TLR5: variants seen among roughly 807,000 people sequenced by gnomAD.
TLR5 encodes the protein toll-like receptor 5.
For synonymous variants in TLR5, 373 were observed against 384.4 expected (o/e 0.97, Z 0.35); for missense variants, 944 against 999.8 (o/e 0.94, Z 0.75).
Position 223,111,093 on chromosome 1 carries a change from T to C in TLR5, c.1939A>G (p.Thr647Ala). 1.2e-6 allele frequency: 2 copies of C among 1,614,184 alleles called. No individual in the cohort carries two copies. Among genetic ancestry groups the C allele is most frequent in the Non-Finnish European group, 1.7e-6 (2 of 1,180,028 alleles). ...ATGAGGAACAGAGTCAGAGTGACAG[T>C]GCATACAATGAAAAGGGAGAACTTT... ...SLKFSLFIVC[T>A]VTLTLFLMTI... The change falls in exon 6 of 6, where the codon ACT (threonine) becomes GCT (alanine). Residue 647 changes from threonine (T) to alanine (A), a missense_variant. Physicochemically the swap from Thr to Ala is moderately conservative, Grantham distance 58 (BLOSUM62 0). Coordinates refer to ENST00000642603, the MANE Select transcript of TLR5 (RefSeq NM_003268.6).
chr1:223,111,820 G>T lies in TLR5; in HGVS notation c.1212C>A (p.Ser404Arg). 1 of 1,614,086 alleles carries T rather than the reference G, an allele frequency of 6.2e-7. No homozygotes were observed. The highest frequency in any genetic ancestry group is 8.5e-7 in the Non-Finnish European group (1 of 1,180,004). The change falls in exon 6 of 6, where the codon AGC becomes AGA. Residue 404 changes from serine to arginine, a missense_variant. By Grantham distance (110) the Ser-to-Arg change is moderately radical. Transcript: ENST00000642603. Reference sequence around the variant, plus strand: ...TGCCACTCAAGAAGATATCGGGTATGCTTGGAATAAAATGAATGGTTGTAA... The same window carrying T: ...TGCCACTCAAGAAGATATCGGGTATTCTTGGAATAAAATGAATGGTTGTAA... ...NALTTIHFIP[S>R]IPDIFLSGNK...
chr1:223,129,840 T>G (rs1397546449), intron 5 of TLR5, among the ~76,000 whole-genome samples: 1 of 152,128 alleles, frequency 6.6e-6, no homozygotes, highest in Non-Finnish European at 1.5e-5. Flanking sequence ...TAACTACTGT[T>G]CTCTAAAGAG....
At chr1:223,117,015 C>T (rs947626258) in intron 5 of TLR5, among the ~76,000 whole-genome samples, 6 of 152,154 alleles carry the variant, frequency 3.9e-5, no homozygotes, top group East Asian at 1.9e-4. Flanking sequence ...GAGCAGGGGG[C>T]GGCGCCCGTT....
At chr1:223,141,048 GA>G (rs1558136434) in intron 2 of TLR5, among the ~76,000 whole-genome samples, 1 of 152,230 alleles carries the variant, frequency 6.6e-6, no homozygotes, top group African/African-American at 2.4e-5. Context: ...AAATCTGATT[GA>G]AGCTTTGGAT....
At chr1:223,119,927 G>C (rs903694310) in intron 5 of TLR5, among the ~76,000 whole-genome samples, 4 of 64,106 alleles carry the variant, frequency 6.2e-5, no homozygotes, top group Non-Finnish European at 1.1e-4. Context: ...TCCAGCCTTG[G>C]CAACAGAGTG....
chr1:223,117,596 A>T (rs1254604350), intron 5 of TLR5, among the ~76,000 whole-genome samples: 1 of 151,932 alleles, frequency 6.6e-6, no homozygotes, highest in Non-Finnish European at 1.5e-5. Context: ...AAAGAAAAGA[A>T]AAAAAGGAAA....
In TLR5 at chr1:223,112,375, A is replaced by C; in HGVS notation, c.657T>G (p.Cys219Trp). Residue 219 changes from cysteine to tryptophan, a missense_variant, in exon 6 of 6, where the codon TGT becomes TGG. Transcript: ENST00000642603. The part of the protein sequence containing the change: ...YSRVSVDWGK[C>W]MNPFRNMVLE... ...GCACCATGTTTCTGAATGGGTTCATACATTTTCCCCAGTCCACTGAGACTC... is the reference window on the plus strand; with the variant it reads ...GCACCATGTTTCTGAATGGGTTCATCCATTTTCCCCAGTCCACTGAGACTC... The C allele has an allele frequency of 6.2e-7, 1 of 1,614,248 alleles. No homozygotes were observed. Among genetic ancestry groups the C allele is most frequent in the Non-Finnish European group, 8.5e-7 (1 of 1,180,050 alleles).
chr1:223,109,755 G>C lies in TLR5; in HGVS notation c.*700C>G, dbSNP rs1300649091. On this transcript the variant is annotated 3_prime_UTR_variant, in exon 6 of 6. Coordinates refer to ENST00000642603, the MANE Select transcript of TLR5 (RefSeq NM_003268.6). ...ATGAGGTGTGCTAGGAAACAAAGCT[G>C]AAAAGGTAGGTTGGTGATAAATCAT... 1 of 153,084 alleles carries C rather than the reference G, an allele frequency of 6.5e-6. No homozygotes were observed. The highest frequency in any genetic ancestry group is 2.4e-5 in the African/African-American group (1 of 41,472). The allele number at this position is 153,084 out of a possible 1,614,324, so 9.5% of individuals were successfully genotyped here.
intron 5 of TLR5, chr1:223,129,484 G>C (rs1300054053): frequency 6.6e-6 from 1 of 152,204 alleles, no homozygotes; most frequent in African/African-American, 2.4e-5. Flanking sequence ...GCCCTCTACC[G>C]GTCATCCGTG....
chr1:223,111,730 C>G lies in TLR5; in HGVS notation c.1302G>C (p.Arg434Ser), dbSNP rs1427940774. ...TANLIHLSEN[R>S]LENLDILYFL... is the part of the protein sequence containing the mutation. ...AGTAGAGAATATCTAGATTTTCTAG[C>G]CTGTTTTCTGATAAGTGGATGAGGT... The change falls in exon 6 of 6, where the codon AGG (arginine) becomes AGC (serine). Residue 434 changes from arginine to serine, a missense_variant. By Grantham distance (110) the Arg-to-Ser change is moderately radical. Transcript: ENST00000642603. 2 of 1,614,132 alleles carry G rather than the reference C, an allele frequency of 1.2e-6. No individual in the cohort carries two copies. Among genetic ancestry groups the G allele is most frequent in the Admixed American group, 1.7e-5 (1 of 60,014 alleles).
chr1:223,111,860 A>C lies in TLR5; in HGVS notation c.1172T>G (p.Leu391Arg). 7 of 1,613,904 alleles carry C rather than the reference A, an allele frequency of 4.3e-6. No individual in the cohort carries two copies. The highest frequency in any genetic ancestry group is 5.9e-6 in the Non-Finnish European group (7 of 1,179,856). ...KFLEKLQTLD[L>R]RDNALTTIHF... ...AATGGTTGTAAGAGCATTGTCTCGG[A>C]GATCCAAGGTCTGTAATTTTTCCAG... Residue 391 changes from leucine to arginine, a missense_variant, in exon 6 of 6, where the codon CTC becomes CGC. By Grantham distance (102) the Leu-to-Arg change is moderately radical. Transcript: ENST00000642603.
intron 3 of TLR5, among the ~76,000 whole-genome samples, chr1:223,136,911 C>T (rs1260838864): frequency 6.6e-6 from 1 of 152,040 alleles, no homozygotes. Context: ...CAACCTTGAA[C>T]TCCCCCGGCT....
intron 4 of TLR5, among the ~76,000 whole-genome samples, chr1:223,133,789 A>G (rs1657489036): frequency 6.6e-6 from 1 of 152,178 alleles, no homozygotes; most frequent in African/African-American, 2.4e-5. Context: ...AGGAAACGGG[A>G]CAGCTTGGGT....
At chr1:223,122,098 A>C (rs1202653236) in intron 5 of TLR5, among the ~76,000 whole-genome samples, 4 of 152,108 alleles carry the variant, frequency 2.6e-5, no homozygotes, top group African/African-American at 9.7e-5. Context: ...CATCCCTCCT[A>C]CCTCCAAGGT....
chr1:223,119,992 T>TAAAATAAAAAAAATAAAA (rs1490639001), intron 5 of TLR5, among the ~76,000 whole-genome samples: 1 of 54,250 alleles, frequency 1.8e-5, no homozygotes, highest in African/African-American at 1.2e-4. Flanking sequence ...TAAAATAAAA[T>TAAAATAAAAAAAATAAAA]AAAATAAAAT....
chr1:223,116,251 G>A (rs911219371), intron 5 of TLR5, among the ~76,000 whole-genome samples: 1 of 152,178 alleles, frequency 6.6e-6, no homozygotes, highest in African/African-American at 2.4e-5. Flanking sequence ...AGTTCTTAAA[G>A]GTGGTGTGTC....
In TLR5 at chr1:223,112,032, C is replaced by T. The variant is rs778639819; in HGVS notation, c.1000G>A (p.Gly334Arg). Residue 334 changes from glycine to arginine, a missense_variant, in exon 6 of 6, where the codon GGA becomes AGA. Physicochemically the swap from Gly to Arg is moderately radical, Grantham distance 125 (BLOSUM62 -2). Coordinates refer to ENST00000642603, the MANE Select transcript of TLR5 (RefSeq NM_003268.6). ...INKIADEAFY[G>R]LDNLQVLNLS... ...TTGAGAACTTGGAGGTTGTCAAGTC[C>T]GTAAAATGCTTCATCTGCAATCTTA... The T allele has an allele frequency of 9.3e-6, 15 of 1,614,022 alleles. No homozygotes were observed. The highest frequency in any genetic ancestry group is 6.7e-5 in the East Asian group (3 of 44,890).
At chr1:223,142,856 C>A (rs1157317682) in intron 1 of TLR5, among the ~76,000 whole-genome samples, 1 of 152,072 alleles carries the variant, frequency 6.6e-6, no homozygotes, top group Non-Finnish European at 1.5e-5. Context: ...AGAGTGACAG[C>A]GAGACAGCAC....
intron 5 of TLR5, chr1:223,129,019 C>G (rs995749109): frequency 6.6e-6 from 1 of 152,288 alleles, no homozygotes; most frequent in Non-Finnish European, 1.5e-5. Context: ...CTGTTGCGCG[C>G]GCTCACTTCT....
Sources: allele counts gnomAD v4.1 joint callset (sites outside exome capture counted in the v4.1 genomes callset), GRCh38; gene constraint gnomAD v4.1.1; transcripts MANE v1.5; gene names NCBI Gene and HGNC (gene_info 2026-07-23, HGNC 2026-07-21).